ANKRD31: variants seen among roughly 807,000 people sequenced by gnomAD.
The protein encoded by ANKRD31 is ankyrin repeat domain-containing protein 31.
In ANKRD31, 147 loss-of-function variants were observed where a neutral mutation model predicts 186.0. The ratio of observed to expected loss-of-function variants is 0.79; its 90% CI spans 0.69 to 0.91. ANKRD31 has a LOEUF of 0.91. ANKRD31 is among the 40% of genes least tolerant of loss of function. ANKRD31 has a pLI of 0.00. For missense variants in ANKRD31, 1,986 were observed against 2,148.8 expected (o/e 0.92, Z 1.50); for synonymous variants, 673 against 736.4 (o/e 0.91, Z 1.39).
At chr5:75,070,506 G>A (rs1207437244) in intron 25 of ANKRD31, among the ~76,000 whole-genome samples, 1 of 152,168 alleles carries the variant, frequency 6.6e-6, no homozygotes, top group East Asian at 1.9e-4. Context: ...CTGAGTTGAG[G>A]GGTCTGTAAA....
intron 7 of ANKRD31, among the ~76,000 whole-genome samples, chr5:75,194,840 G>A (rs1409045192): frequency 1.3e-5 from 2 of 152,054 alleles, no homozygotes; most frequent in East Asian, 3.8e-4. Context: ...TAATTGGAGA[G>A]AGATACACCA....
chr5:75,173,329 T>C (rs547745785), intron 10 of ANKRD31, among the ~76,000 whole-genome samples: 1 of 152,122 alleles, frequency 6.6e-6, no homozygotes, highest in East Asian at 1.9e-4. Flanking sequence ...CAGCACATGA[T>C]AAGGATACCC....
chr5:75,230,469 T>A, intron 2 of ANKRD31, 93 bp downstream of exon 2: 1 of 942,596 alleles, frequency 1.1e-6, no homozygotes, highest in South Asian at 1.9e-5. Flanking sequence ...TCATTTTGCT[T>A]AAAGTCTCAG....
At chr5:75,169,242 G>C in intron 10 of ANKRD31, 121 bp from the exon 11 acceptor site, 1 of 1,168,282 alleles carries the variant, frequency 8.6e-7, no homozygotes, top group Non-Finnish European at 1.2e-6. Flanking sequence ...GATTATATGA[G>C]TCAAGATAGT....
At chr5:75,133,996 T>C (rs71411048) in intron 17 of ANKRD31, among the ~76,000 whole-genome samples, 8 of 151,836 alleles carry the variant, frequency 5.3e-5, no homozygotes, top group Non-Finnish European at 8.8e-5. Context: ...TACCAGAATC[T>C]CGGGGACACA....
chr5:75,071,070 C>T (rs931512269), intron 25 of ANKRD31, among the ~76,000 whole-genome samples: 3 of 152,022 alleles, frequency 2.0e-5, no homozygotes, highest in East Asian at 1.9e-4. Context: ...TTCAGTGGAG[C>T]GTAAATGTTT....
At chr5:75,117,592 A>G (rs906362583) in intron 18 of ANKRD31, among the ~76,000 whole-genome samples, 2 of 152,108 alleles carry the variant, frequency 1.3e-5, no homozygotes, top group Admixed American at 1.3e-4. Context: ...GTGAGAATAT[A>G]GATACATTCC....
At chr5:75,159,122 G>A (rs901339694) in intron 11 of ANKRD31, among the ~76,000 whole-genome samples, 3 of 151,982 alleles carry the variant, frequency 2.0e-5, no homozygotes, top group Non-Finnish European at 2.9e-5. Context: ...GGAAGTTTAA[G>A]CTGACAGAAA....
At chr5:75,199,550 G>T (rs1755682778) in intron 6 of ANKRD31, 81 bp downstream of exon 6, 15 of 1,169,174 alleles carry the variant, frequency 1.3e-5, no homozygotes, top group Non-Finnish European at 1.8e-5. Flanking sequence ...GTCTAAATGA[G>T]CTTGATACTT....
At chr5:75,082,089 C>G (rs905106209) in intron 24 of ANKRD31, among the ~76,000 whole-genome samples, 2 of 152,062 alleles carry the variant, frequency 1.3e-5, no homozygotes, top group Non-Finnish European at 2.9e-5. Context: ...TTAATGTTAC[C>G]AGTTATTAAT....
chr5:75,080,499 T>C, intron 25 of ANKRD31, 69 bp downstream of exon 25: 1 of 1,081,392 alleles, frequency 9.2e-7, no homozygotes, highest in Non-Finnish European at 1.3e-6. Context: ...ATTTGATCTA[T>C]TTGCACAATA....
At chr5:75,227,760 T>C (rs948640468) in intron 2 of ANKRD31, among the ~76,000 whole-genome samples, 9 of 152,164 alleles carry the variant, frequency 5.9e-5, no homozygotes, top group African/African-American at 2.2e-4. Context: ...CCAGTACCCA[T>C]CCGTGGCCTG....
At chr5:75,138,644 T>G (rs1750788249) in intron 16 of ANKRD31, among the ~76,000 whole-genome samples, 1 of 152,124 alleles carries the variant, frequency 6.6e-6, no homozygotes, top group Admixed American at 6.6e-5. Flanking sequence ...AAATGGATGT[T>G]AAAAACTGTT....
chr5:75,077,645 GC>G (rs1744753256), intron 25 of ANKRD31, among the ~76,000 whole-genome samples: 1 of 151,990 alleles, frequency 6.6e-6, no homozygotes. Flanking sequence ...GAAGTTCTTG[GC>G]CGGGCGCGGT....
chr5:75,232,782 C>T (rs1257068284), intron 1 of ANKRD31, among the ~76,000 whole-genome samples: 3 of 152,162 alleles, frequency 2.0e-5, no homozygotes, highest in Non-Finnish European at 4.4e-5. Flanking sequence ...ATACGGATTA[C>T]TCTGAGCTAA....
chr5:75,083,593 G>T (rs796073348), intron 24 of ANKRD31, among the ~76,000 whole-genome samples: 6 of 152,232 alleles, frequency 3.9e-5, no homozygotes, highest in African/African-American at 1.4e-4. Flanking sequence ...AGCCGGGCCT[G>T]GTAGTGTGCA....
intron 14 of ANKRD31, among the ~76,000 whole-genome samples, chr5:75,144,666 A>G (rs1751301191): frequency 6.6e-6 from 1 of 152,140 alleles, no homozygotes; most frequent in South Asian, 2.1e-4. Flanking sequence ...AGGCAATACC[A>G]TTCAGGACAT....
intron 23 of ANKRD31, among the ~76,000 whole-genome samples, chr5:75,086,360 C>A (rs957064624): frequency 3.3e-5 from 5 of 152,158 alleles, no homozygotes; most frequent in African/African-American, 1.2e-4. Context: ...CACTAGATCA[C>A]TTCTAGAAAA....
chr5:75,209,952 C>G lies in ANKRD31; in HGVS notation c.326+876G>C, dbSNP rs79548656. ...TCCTGTTAAGACTCCAGCATTTTAC[C>G]CACCATTACTTTAGCACTATTGTGC... On this transcript the variant is annotated intron_variant, in intron 4 of 25. Coordinates refer to ENST00000506364, the MANE Select transcript of ANKRD31 (RefSeq NM_001372053.1). Among the ~76,000 whole-genome samples the G allele has an allele frequency of 9.2e-3, 1,406 of 152,182 alleles. 30 individuals carry two copies. Among genetic ancestry groups the G allele is most frequent in the African/African-American group, 0.032 (1,317 of 41,508 alleles).
Sources: gnomAD v4.1 joint callset for allele counts (sites outside exome capture counted in the v4.1 genomes callset) on GRCh38, gnomAD v4.1.1 for gene constraint, MANE v1.5 for transcripts, NCBI Gene and HGNC (gene_info 2026-07-23, HGNC 2026-07-21) for gene names.